The following DCAF6 variants were observed in gnomAD, a reference collection of about 807,000 sequenced individuals.
DCAF6 encodes the protein DDB1- and CUL4-associated factor 6.
A neutral mutation model predicts 125.1 loss-of-function variants in DCAF6; 54 were observed. The ratio of observed to expected loss-of-function variants is 0.43; its 90% confidence interval spans 0.35 to 0.54. The LOEUF (loss-of-function observed/expected upper bound fraction) is 0.54. Ranked by LOEUF, DCAF6 falls within the 20% of genes least tolerant of loss-of-function variation. DCAF6 has a pLI of 0.01. For missense variants in DCAF6, 934 were observed against 1,161.7 expected, an observed-to-expected ratio of 0.80 and a Z score of 2.85; for synonymous variants, 371 against 390.4, an observed-to-expected ratio of 0.95 and a Z score of 0.58.
chr1:168,007,437 C>G (rs927126626), intron 10 of DCAF6, among the ~76,000 whole-genome samples: 1 of 152,086 alleles, frequency 6.6e-6, no homozygotes, highest in Non-Finnish European at 1.5e-5. Flanking sequence ...GATAGATGCT[C>G]TCTCCATTTT....
intron 5 of DCAF6, among the ~76,000 whole-genome samples, chr1:167,988,140 T>C (rs1462607028): frequency 6.7e-6 from 1 of 149,738 alleles, no homozygotes; most frequent in Admixed American, 6.6e-5. Context: ...CAGTTTCTTA[T>C]GCTTTAATAC....
At chr1:167,885,260 G>C in the DCAF6 span, among the ~76,000 whole-genome samples, 1 of 152,150 alleles carries the variant, frequency 6.6e-6, no homozygotes, top group Non-Finnish European at 1.5e-5. Context: ...GGGAGTGTAG[G>C]TATCTCTTCA....
At chr1:167,985,321 G>A (rs1024478335) in intron 4 of DCAF6, among the ~76,000 whole-genome samples, 2 of 152,082 alleles carry the variant, frequency 1.3e-5, no homozygotes, top group Non-Finnish European at 2.9e-5. Flanking sequence ...AGGTGTACTG[G>A]GCTAAAATCG....
At chr1:167,937,080 C>T in intron 1 of DCAF6, 72 bp downstream of exon 1, 2 of 1,351,050 alleles carry the variant, frequency 1.5e-6, no homozygotes, top group Admixed American at 2.0e-5. Context: ...GCTGCCGGGT[C>T]TGTTGGAGGT....
chr1:167,873,176 TA>T, the DCAF6 span, among the ~76,000 whole-genome samples: 1 of 152,030 alleles, frequency 6.6e-6, no homozygotes, highest in Admixed American at 6.6e-5. Flanking sequence ...TGTCAGTTAG[TA>T]AAATAAGTAT....
the DCAF6 span, chr1:167,902,145 C>A: frequency 1.6e-6 from 2 of 1,243,612 alleles, no homozygotes; most frequent in East Asian, 2.3e-5. Context: ...GAAACTAGGT[C>A]AAAAGAACAG....
At chr1:167,970,576 C>A (rs1470406023) in intron 3 of DCAF6, among the ~76,000 whole-genome samples, 1 of 151,900 alleles carries the variant, frequency 6.6e-6, no homozygotes, top group Non-Finnish European at 1.5e-5. Context: ...TGAGCCCAGG[C>A]GTTCCACCAC....
At chr1:168,014,356 C>G (rs910933024) in intron 10 of DCAF6, among the ~76,000 whole-genome samples, 2 of 152,180 alleles carry the variant, frequency 1.3e-5, no homozygotes, top group African/African-American at 2.4e-5. Flanking sequence ...CTACAGAGCT[C>G]TGATCATTCA....
At chr1:167,960,408 C>T (rs1225299989) in intron 2 of DCAF6, among the ~76,000 whole-genome samples, 1 of 152,114 alleles carries the variant, frequency 6.6e-6, no homozygotes, top group Non-Finnish European at 1.5e-5. Context: ...AAGTGATTCT[C>T]CTGCCTCAGA....
chr1:168,067,308 CA>C (rs2101987836), intron 20 of DCAF6, among the ~76,000 whole-genome samples: 1 of 152,252 alleles, frequency 6.6e-6, no homozygotes, highest in African/African-American at 2.4e-5. Context: ...GCCCTACCCT[CA>C]GAGTTTAGTG....
At chr1:167,915,055 T>C in the DCAF6 span, among the ~76,000 whole-genome samples, 1 of 152,234 alleles carries the variant, frequency 6.6e-6, no homozygotes, top group African/African-American at 2.4e-5. Flanking sequence ...TTTCTATTTC[T>C]GCTTCATTAT....
chr1:168,061,576 T>A (rs1049806310), intron 17 of DCAF6, among the ~76,000 whole-genome samples: 13 of 152,174 alleles, frequency 8.5e-5, no homozygotes, highest in African/African-American at 2.9e-4. Context: ...TTGTATGGAT[T>A]TGCCATAATT....
At chr1:168,047,867 C>T (rs1689333999) in intron 16 of DCAF6, among the ~76,000 whole-genome samples, 2 of 151,922 alleles carry the variant, frequency 1.3e-5, no homozygotes, top group Non-Finnish European at 2.9e-5. Flanking sequence ...TTATCTAAAT[C>T]GGTTATTATA....
chr1:167,886,038 A>C, the DCAF6 span, among the ~76,000 whole-genome samples: 1 of 152,202 alleles, frequency 6.6e-6, no homozygotes, highest in Non-Finnish European at 1.5e-5. Context: ...CTGCTCAACG[A>C]AGTAAAAGAG....
intron 2 of DCAF6, 71 bp from the exon 3 acceptor site, chr1:167,966,558 A>C: frequency 2.1e-6 from 2 of 970,298 alleles, no homozygotes; most frequent in Non-Finnish European, 3.3e-6. Flanking sequence ...TTGTACCGCC[A>C]GGTGAGTGAA....
the DCAF6 span, chr1:167,883,447 A>T: frequency 3.7e-6 from 6 of 1,614,096 alleles, no homozygotes; most frequent in Non-Finnish European, 5.1e-6. Context: ...CTTGTCAAAC[A>T]TGAAGACTTT....
At chr1:168,020,957 G>A (rs1685595737) in intron 11 of DCAF6, among the ~76,000 whole-genome samples, 1 of 152,108 alleles carries the variant, frequency 6.6e-6, no homozygotes, top group African/African-American at 2.4e-5. Context: ...GGGAGGAACA[G>A]CAAATGCCTC....
chr1:168,065,551 T>C (rs1445833440), intron 18 of DCAF6, 39 bp from the exon 19 acceptor site: 2 of 1,404,758 alleles, frequency 1.4e-6, no homozygotes, highest in East Asian at 2.5e-5. Context: ...TTTTAATAAC[T>C]TTGATTTGAA....
chr1:167,955,498 T>C (rs974272983), intron 2 of DCAF6, among the ~76,000 whole-genome samples: 2 of 152,058 alleles, frequency 1.3e-5, no homozygotes, highest in African/African-American at 2.4e-5. Flanking sequence ...CATGTTGTGG[T>C]TACATTTCCT....
Sources: allele counts gnomAD v4.1 joint callset (sites outside exome capture counted in the v4.1 genomes callset), GRCh38; gene constraint gnomAD v4.1.1; transcripts MANE v1.5; gene names NCBI Gene and HGNC (gene_info 2026-07-23, HGNC 2026-07-21).